The following AATF variants were observed in gnomAD, a reference collection of about 807,000 sequenced individuals.
AATF encodes the protein protein AATF.
Under a neutral mutation model 63.7 loss-of-function variants are expected in AATF, and 48 were observed. That is an observed-to-expected ratio of 0.75 (90% CI 0.60 to 0.96). AATF has a LOEUF of 0.96. AATF is among the 40% of genes least tolerant of loss of function. The probability of loss-of-function intolerance (pLI) is 0.00; values close to 1 mark genes in which losing one functional copy is unlikely to be tolerated. For synonymous variants in AATF, 258 were observed against 247.7 expected (o/e 1.04, Z -0.39); for missense variants, 639 against 685.7 (o/e 0.93, Z 0.76).
At chr17:37,044,190 T>C (rs540259221) in intron 11 of AATF, among the ~76,000 whole-genome samples, 5 of 152,354 alleles carry the variant, frequency 3.3e-5, no homozygotes, top group African/African-American at 9.6e-5. Context: ...ATCATCTCAC[T>C]TCTTTAATAT....
Position 37,056,748 on chromosome 17 carries a change from C to A in AATF, c.*84C>A. 1.4e-6 allele frequency: 2 copies of A among 1,440,432 alleles called. No homozygotes were observed. Among genetic ancestry groups the A allele is most frequent in the Admixed American group, 1.7e-5 (1 of 57,554 alleles). 89.2% of individuals were successfully genotyped at this position (1,440,432 alleles called of 1,614,324 possible). On this transcript the variant is annotated 3_prime_UTR_variant, in exon 12 of 12. Coordinates refer to ENST00000619387, the MANE Select transcript of AATF (RefSeq NM_012138.4). ...GGAGGAAACCAGTGACTTTATGGGG[C>A]TGAGCTAGTAGGGAAGCCCCTGGAA...
chr17:36,973,513 A>C (rs1158226718), intron 4 of AATF, among the ~76,000 whole-genome samples: 1 of 152,226 alleles, frequency 6.6e-6, no homozygotes, highest in Non-Finnish European at 1.5e-5. Context: ...AGCTTAAAGC[A>C]ATGAAGGCAG....
At chr17:36,982,926 A>G (rs145433920) in intron 4 of AATF, among the ~76,000 whole-genome samples, 2 of 152,294 alleles carry the variant, frequency 1.3e-5, no homozygotes, top group East Asian at 1.9e-4. Flanking sequence ...TAGGTACCTC[A>G]TGTAACTGGA....
At position 36,953,060 on chromosome 17, in the gene AATF, G is replaced by A; in HGVS notation, c.458G>A (p.Ser153Asn). The A allele has an allele frequency of 6.2e-7, 1 of 1,614,148 alleles. No individual in the cohort carries two copies. The highest frequency in any genetic ancestry group is 8.5e-7 in the Non-Finnish European group (1 of 1,180,032). The change falls in exon 3 of 12, where the codon AGT becomes AAT. Residue 153 changes from serine (S) to asparagine (N), a missense_variant. By Grantham distance (46) the Ser-to-Asn change is conservative. Coordinates refer to ENST00000619387, the MANE Select transcript of AATF (RefSeq NM_012138.4). ...AAAACACCGGGCTTCAGTGTCCAGA[G>A]TATCAGTGACTTTGAGAAATTTACC... ...SAKTPGFSVQSISDFEKFTKG... is the reference protein window; with the variant it reads ...SAKTPGFSVQNISDFEKFTKG...
At chr17:36,963,264 G>C (rs1236120819) in intron 4 of AATF, among the ~76,000 whole-genome samples, 2 of 152,074 alleles carry the variant, frequency 1.3e-5, no homozygotes, top group East Asian at 3.8e-4. Context: ...TTTGTTCTTG[G>C]GTACCTCTTT....
intron 4 of AATF, among the ~76,000 whole-genome samples, chr17:36,976,617 C>T (rs1411191896): frequency 6.6e-6 from 1 of 152,094 alleles, no homozygotes; most frequent in African/African-American, 2.4e-5. Context: ...TCATTCAATA[C>T]CATTTGCCAA....
intron 2 of AATF, among the ~76,000 whole-genome samples, chr17:36,952,638 G>A (rs2070864286): frequency 6.6e-6 from 1 of 152,218 alleles, no homozygotes; most frequent in African/African-American, 2.4e-5. Context: ...GCTTCCTTGA[G>A]TTGTAATGTT....
At chr17:36,969,952 G>A (rs2071025963) in intron 4 of AATF, among the ~76,000 whole-genome samples, 1 of 152,092 alleles carries the variant, frequency 6.6e-6, no homozygotes, top group Non-Finnish European at 1.5e-5. Flanking sequence ...ATTATTTTGA[G>A]CATCCTCCAT....
intron 8 of AATF, among the ~76,000 whole-genome samples, chr17:37,001,360 A>C (rs2071293104): frequency 7.4e-6 from 1 of 134,404 alleles, no homozygotes; most frequent in South Asian, 2.7e-4. Context: ...AGGAAGGAGA[A>C]AGAGAGAGAG....
At chr17:36,980,377 T>C (rs1361166166) in intron 4 of AATF, 1 of 152,234 alleles carries the variant, frequency 6.6e-6, no homozygotes, top group East Asian at 1.9e-4. Context: ...GAAAGACCTT[T>C]GGAAATGGAC....
At chr17:37,045,722 A>G (rs1475937029) in intron 11 of AATF, 2 of 152,256 alleles carry the variant, frequency 1.3e-5, no homozygotes, top group African/African-American at 2.4e-5. Flanking sequence ...AAGAAATGCA[A>G]ACTGCTCACT....
chr17:36,976,952 TG>T (rs2071084209), intron 4 of AATF, among the ~76,000 whole-genome samples: 1 of 152,226 alleles, frequency 6.6e-6, no homozygotes, highest in African/African-American at 2.4e-5. Flanking sequence ...AAAATGGTTT[TG>T]AGACACTCTA....
chr17:36,987,432 C>A (rs1264982576), intron 5 of AATF, among the ~76,000 whole-genome samples: 1 of 152,112 alleles, frequency 6.6e-6, no homozygotes, highest in Admixed American at 6.5e-5. Context: ...TTTCAGAAAA[C>A]AGCAAAATAA....
At chr17:37,023,283 A>G (rs1034659020) in intron 10 of AATF, among the ~76,000 whole-genome samples, 5 of 152,208 alleles carry the variant, frequency 3.3e-5, no homozygotes, top group Non-Finnish European at 1.5e-5. Flanking sequence ...CATAGTAGGC[A>G]TTCAAAAATG....
chr17:37,030,872 A>G (rs1399317656), intron 10 of AATF, among the ~76,000 whole-genome samples: 2 of 152,212 alleles, frequency 1.3e-5, no homozygotes, highest in African/African-American at 2.4e-5. Flanking sequence ...TGTGACATCT[A>G]TTAAAATGAA....
intron 10 of AATF, among the ~76,000 whole-genome samples, chr17:37,024,221 C>T (rs1169881061): frequency 6.6e-6 from 1 of 152,138 alleles, no homozygotes; most frequent in East Asian, 1.9e-4. Flanking sequence ...TCCTGCTCCA[C>T]CCTTGAGGGA....
intron 11 of AATF, among the ~76,000 whole-genome samples, chr17:37,040,516 C>G (rs996371557): frequency 6.6e-6 from 1 of 151,562 alleles, no homozygotes; most frequent in Non-Finnish European, 1.5e-5. Flanking sequence ...TATAAGAATA[C>G]TAAGGCATGG....
At chr17:37,015,124 CTG>C (rs1340901734) in intron 8 of AATF, among the ~76,000 whole-genome samples, 7 of 152,158 alleles carry the variant, frequency 4.6e-5, no homozygotes, top group African/African-American at 1.4e-4. Flanking sequence ...CCTTAACTGT[CTG>C]TTCATATTTA....
In AATF at chr17:37,021,828, T is replaced by A. The variant is rs1028759105; in HGVS notation, c.1547+814T>A. Reference sequence around the variant, plus strand: ...TCAAAAAAAAAAAAAAAAATAATAATAATAATAATAATAAATATAAAAATG... The same window carrying A: ...TCAAAAAAAAAAAAAAAAATAATAAAAATAATAATAATAAATATAAAAATG... On this transcript the variant is annotated intron_variant, in intron 10 of 11. Transcript: ENST00000619387. 9.3e-4 allele frequency among the ~76,000 whole-genome samples: 135 copies of A among 144,618 alleles called. 12 individuals carry two copies. Among genetic ancestry groups the A allele is most frequent in the African/African-American group, 2.3e-3 (90 of 38,844 alleles). 94.9% of individuals were successfully genotyped at this position (144,618 alleles called of 152,430 possible). A position where few individuals can be genotyped will look rare whatever the true frequency, so the allele number is the denominator to read the frequency against.
Sources: gnomAD v4.1 joint callset for allele counts (sites outside exome capture counted in the v4.1 genomes callset) on GRCh38, gnomAD v4.1.1 for gene constraint, MANE v1.5 for transcripts, NCBI Gene and HGNC (gene_info 2026-07-23, HGNC 2026-07-21) for gene names.